Variants in GRIA1 observed in about 807,000 individuals in gnomAD.
GRIA1 encodes glutamate ionotropic receptor AMPA type subunit 1.
A neutral mutation model predicts 99.2 loss-of-function variants in GRIA1; 31 were observed. The ratio of observed to expected loss-of-function variants is 0.31; its 90% confidence interval spans 0.23 to 0.42. GRIA1 has a LOEUF of 0.42. Among genes scored for constraint, GRIA1 ranks in the 10% least tolerant of loss-of-function variants. The pLI, the probability that GRIA1 is intolerant of heterozygous loss-of-function variation, is 1.00. For synonymous variants in GRIA1, 438 were observed against 432.4 expected, an observed-to-expected ratio of 1.01 and a Z score of -0.16; for missense variants, 782 against 1,157.5, an observed-to-expected ratio of 0.68 and a Z score of 4.71.
chr5:153,664,512 A>AC (rs1289528451), intron 5 of GRIA1, among the ~76,000 whole-genome samples: 5 of 146,186 alleles, frequency 3.4e-5, no homozygotes, highest in Non-Finnish European at 6.0e-5. Context: ...AACCAAAGGC[A>AC]CTTTTTTTTT....
At chr5:153,686,734 A>G (rs899050139) in intron 8 of GRIA1, among the ~76,000 whole-genome samples, 2 of 152,210 alleles carry the variant, frequency 1.3e-5, no homozygotes. Flanking sequence ...ATAGTTGGTC[A>G]TATCCACTCT....
intron 11 of GRIA1, among the ~76,000 whole-genome samples, chr5:153,739,128 C>T (rs1761602020): frequency 6.6e-6 from 1 of 152,032 alleles, no homozygotes; most frequent in Non-Finnish European, 1.5e-5. Flanking sequence ...ATTCTCCATC[C>T]CTTACCACCT....
At chr5:153,617,834 C>T (rs1766656958) in intron 2 of GRIA1, among the ~76,000 whole-genome samples, 1 of 152,202 alleles carries the variant, frequency 6.6e-6, no homozygotes, top group Admixed American at 6.5e-5. Context: ...ACTACATGCT[C>T]CTGCCATTGT....
In GRIA1 at chr5:153,666,196, T is replaced by C. The variant is rs140471001; in HGVS notation, c.700-8304T>C. On this transcript the variant is annotated intron_variant, in intron 5 of 15. Transcript: ENST00000285900. ...ATCATGAGAGGGTGAGAAGAAACTT[T>C]CTGTTCCTTCATTCCTCCACATGTA... Among the ~76,000 whole-genome samples, 538 of 152,256 alleles carry C rather than the reference T, an allele frequency of 3.5e-3. 2 individuals are homozygous for C. Among genetic ancestry groups the C allele is most frequent in the African/African-American group, 0.012 (500 of 41,544 alleles).
At chr5:153,498,750 G>T (rs563733359) in intron 2 of GRIA1, among the ~76,000 whole-genome samples, 1 of 152,076 alleles carries the variant, frequency 6.6e-6, no homozygotes, top group South Asian at 2.1e-4. Context: ...AAAACTTAGG[G>T]CATTAAGCAA....
At chr5:153,580,356 T>C (rs1049425866) in intron 2 of GRIA1, among the ~76,000 whole-genome samples, 1 of 152,228 alleles carries the variant, frequency 6.6e-6, no homozygotes, top group African/African-American at 2.4e-5. Context: ...AAGGTAAATC[T>C]TCAAGTTCAT....
chr5:153,566,569 G>T (rs1204365114), intron 2 of GRIA1, among the ~76,000 whole-genome samples: 1 of 151,300 alleles, frequency 6.6e-6, no homozygotes, highest in South Asian at 2.1e-4. Flanking sequence ...ACCTCCCAAA[G>T]TGCTGGGATT....
At chr5:153,557,969 T>C (rs1346096195) in intron 2 of GRIA1, 4 of 152,200 alleles carry the variant, frequency 2.6e-5, no homozygotes, top group South Asian at 2.1e-4. Flanking sequence ...ATATAGTAAA[T>C]GTATAAACCA....
intron 2 of GRIA1, among the ~76,000 whole-genome samples, chr5:153,506,405 A>G (rs1418859678): frequency 6.6e-6 from 1 of 151,704 alleles, no homozygotes; most frequent in African/African-American, 2.4e-5. Context: ...AATGAACTAG[A>G]TGGCTTCTAG....
intron 11 of GRIA1, among the ~76,000 whole-genome samples, chr5:153,750,395 C>T (rs980742436): frequency 6.6e-6 from 1 of 152,124 alleles, no homozygotes; most frequent in African/African-American, 2.4e-5. Context: ...ACTCAGTGAC[C>T]TCTTGAGCTC....
chr5:153,632,091 G>C (rs1753020982), intron 2 of GRIA1, among the ~76,000 whole-genome samples: 1 of 152,190 alleles, frequency 6.6e-6, no homozygotes, highest in Non-Finnish European at 1.5e-5. Context: ...GGATCTGTTT[G>C]ACAGGATGTG....
chr5:153,706,702 C>A (rs1339522564), intron 11 of GRIA1, among the ~76,000 whole-genome samples: 1 of 152,112 alleles, frequency 6.6e-6, no homozygotes, highest in Non-Finnish European at 1.5e-5. Context: ...GCGTCTTCAT[C>A]TTAAAGAGAA....
At chr5:153,750,820 G>A (rs1051383508) in intron 11 of GRIA1, among the ~76,000 whole-genome samples, 6 of 152,254 alleles carry the variant, frequency 3.9e-5, no homozygotes, top group East Asian at 1.9e-4. Context: ...AGCACAGGCC[G>A]GGCATGGTGG....
chr5:153,631,422 A>G (rs1422887), intron 2 of GRIA1, among the ~76,000 whole-genome samples: 35,409 of 152,122 alleles, frequency 0.23, 4,536 homozygotes, highest in Non-Finnish European at 0.3. Context: ...ACCTGTTTAT[A>G]TTTCTGTGTT....
chr5:153,686,029 T>C (rs562764766), intron 7 of GRIA1, among the ~76,000 whole-genome samples, 196 bp from the exon 8 acceptor site: 9 of 152,228 alleles, frequency 5.9e-5, no homozygotes, highest in African/African-American at 1.9e-4. Context: ...TCAGGATGAA[T>C]CCCAATTTAG....
intron 2 of GRIA1, among the ~76,000 whole-genome samples, chr5:153,641,263 G>A (rs1753761586): frequency 6.6e-6 from 1 of 152,100 alleles, no homozygotes; most frequent in South Asian, 2.1e-4. Flanking sequence ...AGAAATGTCG[G>A]TGTGAGAGGC....
At chr5:153,588,015 G>GC (rs1424058218) in intron 2 of GRIA1, among the ~76,000 whole-genome samples, 1 of 152,172 alleles carries the variant, frequency 6.6e-6, no homozygotes, top group East Asian at 1.9e-4. Flanking sequence ...AAATGAGAAA[G>GC]CATTAAGGTA....
chr5:153,605,927 G>A (rs1474280086), intron 2 of GRIA1, among the ~76,000 whole-genome samples: 3 of 152,068 alleles, frequency 2.0e-5, no homozygotes, highest in African/African-American at 7.2e-5. Flanking sequence ...ATCTCTTGCT[G>A]TGCAGGACAG....
intron 13 of GRIA1, among the ~76,000 whole-genome samples, chr5:153,778,652 CA>C (rs1764432603): frequency 4.4e-5 from 1 of 22,786 alleles, no homozygotes; most frequent in African/African-American, 4.9e-4. Context: ...CACCCCCCAC[CA>C]CACACACACA....
Sources: allele counts gnomAD v4.1 joint callset (sites outside exome capture counted in the v4.1 genomes callset), GRCh38; gene constraint gnomAD v4.1.1; transcripts MANE v1.5; gene names NCBI Gene and HGNC (gene_info 2026-07-23, HGNC 2026-07-21).